The following MED28 variants were observed in gnomAD, a reference collection of about 807,000 sequenced individuals.
The protein encoded by MED28 is mediator of RNA polymerase II transcription subunit 28.
A neutral mutation model predicts 21.3 loss-of-function variants in MED28; 26 were observed. That is an observed-to-expected ratio of 1.22 (90% CI 0.89 to 1.69). The LOEUF (loss-of-function observed/expected upper bound fraction) is 1.69. MED28 is among the 40% of genes most tolerant of loss of function. The pLI is 0.00. For missense variants in MED28, 257 were observed against 215.4 expected (o/e 1.19, Z -1.21); for synonymous variants, 110 against 87.6 (o/e 1.26, Z -1.43).
At position 17,633,740 on chromosome 4, in the gene MED28, C is replaced by T. The variant is rs530767348; in HGVS notation, c.*9942C>T. The T allele has an allele frequency of 5.8e-6, 9 of 1,550,488 alleles. No individual in the cohort carries two copies. The highest frequency in any genetic ancestry group is 2.4e-5 in the East Asian group (1 of 40,854). ...CTGGTTGGGTTTGTAGGTCCGGCCA[C>T]AGCTGGGGCTTGGGTCCAAGCTGGG... On this transcript the variant is annotated 3_prime_UTR_variant, in exon 4 of 4. Coordinates refer to ENST00000237380, the MANE Select transcript of MED28 (RefSeq NM_025205.5).
rs7669147 is a variant in MED28 at position 17,632,797 on chromosome 4, A to G, written c.*8999A>G. The G allele has an allele frequency of 1.9e-6, 1 of 533,960 alleles. No individual in the cohort carries two copies. The allele number at this position is 533,960 out of a possible 1,614,324, so 33.1% of individuals were successfully genotyped here. On this transcript the variant is annotated 3_prime_UTR_variant, in exon 4 of 4. Coordinates refer to ENST00000237380, the MANE Select transcript of MED28 (RefSeq NM_025205.5). ...CAAATTGTAAAGGATGGGGCTGGGG[A>G]GGGAGTACCTAATCCTCATTTGGAA...
In MED28 at chr4:17,623,968, CT is replaced by C; in HGVS notation, c.*172del. On this transcript the variant is annotated 3_prime_UTR_variant, in exon 4 of 4. Transcript: ENST00000237380. ...CACTATTTTTATAAGCTGTTAATTT[CT>C]TGAGTACTTTATAACATGTCTGTAG... 1.5e-6 allele frequency: 1 copy of C among 689,618 alleles called. No individual in the cohort carries two copies. The highest frequency in any genetic ancestry group is 2.5e-6 in the Non-Finnish European group (1 of 407,886). The allele number at this position is 689,618 out of a possible 1,614,324, so 42.7% of individuals were successfully genotyped here. A position where few individuals can be genotyped will look rare whatever the true frequency, so the allele number is the denominator to read the frequency against.
In MED28 at chr4:17,625,652, G is replaced by A. The variant is rs1714755182; in HGVS notation, c.*1854G>A. 2.2e-6 allele frequency: 1 copy of A among 447,484 alleles called. No individual in the cohort carries two copies. The highest frequency in any genetic ancestry group is 2.5e-5 in the Admixed American group (1 of 39,540). The allele number at this position is 447,484 out of a possible 1,614,324, so 27.7% of individuals were successfully genotyped here. On this transcript the variant is annotated 3_prime_UTR_variant, in exon 4 of 4. Transcript: ENST00000237380. ...AACAATTTTTCAATCTTCTCTGTTT[G>A]TAGACATCTTACTGGGTGATGAATA...
At position 17,629,562 on chromosome 4, in the gene MED28, C is replaced by T. The variant is rs1714864801; in HGVS notation, c.*5764C>T. The T allele has an allele frequency of 6.6e-6, 1 of 152,184 alleles. No individual in the cohort carries two copies. The highest frequency in any genetic ancestry group is 2.4e-5 in the African/African-American group (1 of 41,442). The allele number at this position is 152,184 out of a possible 1,614,324, so 9.4% of individuals were successfully genotyped here. On this transcript the variant is annotated 3_prime_UTR_variant, in exon 4 of 4. Transcript: ENST00000237380. ...CATGTGGAACAGATAGTATTCCTTT[C>T]AGTTTTGCTGCAGGAACATATTAAC... is the stretch of plus-strand genomic sequence containing the variant.
intron 1 of MED28, 62 bp from the exon 2 acceptor site, chr4:17,619,839 C>G (rs537833216): frequency 2.7e-6 from 4 of 1,478,594 alleles, no homozygotes; most frequent in East Asian, 4.6e-5. Flanking sequence ...ATTTCTTCCT[C>G]TGGAGTAAGA....
In MED28 at chr4:17,633,964, T is replaced by C; in HGVS notation, c.*10166T>C. 8.5e-7 allele frequency: 1 copy of C among 1,176,598 alleles called. No individual in the cohort carries two copies. The highest frequency in any genetic ancestry group is 1.1e-6 in the Non-Finnish European group (1 of 892,236). 72.9% of individuals were successfully genotyped at this position (1,176,598 alleles called of 1,614,324 possible). ...AAAGCATTATTGTAAAAGCAAATAA[T>C]GCTCACCCAATCAAAATTGTATCGG... is the stretch of plus-strand genomic sequence containing the variant. On this transcript the variant is annotated 3_prime_UTR_variant, in exon 4 of 4. Transcript: ENST00000237380.
At position 17,621,574 on chromosome 4, in the gene MED28, CTT is replaced by C. The variant is rs527517388; in HGVS notation, c.227-5_227-4del. 633 of 1,397,882 alleles carry C rather than the reference CTT, an allele frequency of 4.5e-4. 6 individuals carry two copies. In the East Asian group the frequency reaches 0.011, roughly 23 times the overall value. 86.6% of individuals were successfully genotyped at this position (1,397,882 alleles called of 1,614,324 possible). On this transcript the variant is annotated splice_polypyrimidine_tract_variant and intron_variant, in intron 2 of 3. Transcript: ENST00000237380. ...TTTTCTTATTTTAATAATTTTGTTC[CTT>C]TTTTTTTAAGGTGTTGATCAGTGTA... is the stretch of plus-strand genomic sequence containing the variant.
chr4:17,614,670 G>GA lies in MED28; in HGVS notation c.16_17insA (p.Gly6GlufsTer33), dbSNP rs758016056. ...CATTCCAAACATGGCGGCTCCACTA[G>GA]GGGGTATGTTTTCTGGGCAGCCACC... On this transcript the variant is annotated frameshift_variant, in exon 1 of 4. Coordinates refer to ENST00000237380, the MANE Select transcript of MED28 (RefSeq NM_025205.5). LOFTEE classifies it high-confidence loss of function. 1.2e-6 allele frequency: 2 copies of GA among 1,612,198 alleles called. No homozygotes were observed. The highest frequency in any genetic ancestry group is 3.4e-5 in the Admixed American group (2 of 59,296).
chr4:17,627,532 C>T lies in MED28; in HGVS notation c.*3734C>T, dbSNP rs767034373. On this transcript the variant is annotated 3_prime_UTR_variant, in exon 4 of 4. Coordinates refer to ENST00000237380, the MANE Select transcript of MED28 (RefSeq NM_025205.5). The stretch of plus-strand genomic sequence containing the variant: ...CTCTGGAGGTTGTGAAGGAGCACTG[C>T]TCAGTCCTCCCTTCAAGAAAGCAGC... The T allele has an allele frequency of 2.0e-5, 3 of 152,284 alleles. No homozygotes were observed. Among genetic ancestry groups the T allele is most frequent in the Non-Finnish European group, 2.9e-5 (2 of 68,116 alleles). 9.4% of individuals were successfully genotyped at this position (152,284 alleles called of 1,614,324 possible).
At position 17,632,511 on chromosome 4, in the gene MED28, T is replaced by C; in HGVS notation, c.*8713T>C. ...ATAAATGTTTTTCAAGTATCCTCTG[T>C]GATGTATCCCAAAGGTTAGCTTAGA... On this transcript the variant is annotated 3_prime_UTR_variant, in exon 4 of 4. Coordinates refer to ENST00000237380, the MANE Select transcript of MED28 (RefSeq NM_025205.5). The C allele has an allele frequency of 6.6e-7, 1 of 1,508,812 alleles. No individual in the cohort carries two copies. The highest frequency in any genetic ancestry group is 9.0e-7 in the Non-Finnish European group (1 of 1,110,014). The allele number at this position is 1,508,812 out of a possible 1,614,324, so 93.5% of individuals were successfully genotyped here. A position where few individuals can be genotyped will look rare whatever the true frequency, so the allele number is the denominator to read the frequency against.
In MED28 at chr4:17,628,254, C is replaced by CTG. The variant is rs1269532690; in HGVS notation, c.*4456_*4457insTG. 2.0e-5 allele frequency: 1 copy of CTG among 51,052 alleles called. No homozygotes were observed. Among genetic ancestry groups the CTG allele is most frequent in the Non-Finnish European group, 4.0e-5 (1 of 24,834 alleles). 3.2% of individuals were successfully genotyped at this position (51,052 alleles called of 1,614,324 possible). A position where few individuals can be genotyped will look rare whatever the true frequency, so the allele number is the denominator to read the frequency against. ...TGCTGGTTAAAACGAGTGACAGCTGCCGTGTGTGTGTGTGTGTGTGTGTGT... is the reference window on the plus strand; with the variant it reads ...TGCTGGTTAAAACGAGTGACAGCTGCTGCGTGTGTGTGTGTGTGTGTGTGTGT... On this transcript the variant is annotated 3_prime_UTR_variant, in exon 4 of 4. Coordinates refer to ENST00000237380, the MANE Select transcript of MED28 (RefSeq NM_025205.5).
chr4:17,620,010 G>C, intron 2 of MED28, 43 bp downstream of exon 2: 1 of 1,539,804 alleles, frequency 6.5e-7, no homozygotes, highest in Non-Finnish European at 9.0e-7. Flanking sequence ...GGCTTCAGCA[G>C]TATTTCCTAG....
Position 17,614,706 on chromosome 4 carries a change from C to G in MED28, c.52C>G (p.Gln18Glu), listed in dbSNP as rs1467250189. Residue 18 changes from glutamine (Q) to glutamate (E), a missense_variant, in exon 1 of 4, where the codon CAG becomes GAG. Gln to Glu is a conservative substitution (Grantham distance 29, BLOSUM62 2). Transcript: ENST00000237380. Reference sequence around the variant, plus strand: ...TTCTGGGCAGCCACCCGGTCCCCCTCAGGCCCCGCCGGGCCTTCCGGGCCA... The same window carrying G: ...TTCTGGGCAGCCACCCGGTCCCCCTGAGGCCCCGCCGGGCCTTCCGGGCCA... ...MFSGQPPGPP[Q>E]APPGLPGQAS... 2.5e-6 allele frequency: 4 copies of G among 1,614,100 alleles called. No homozygotes were observed. In the African/African-American group the frequency reaches 5.3e-5, roughly 22 times the overall value.
In MED28 at chr4:17,632,490, ATG is replaced by A; in HGVS notation, c.*8694_*8695del. ...CCTTCAATCGGATGATTTAAAATAA[ATG>A]TTTTTCAAGTATCCTCTGTGATGTA... On this transcript the variant is annotated 3_prime_UTR_variant, in exon 4 of 4. Coordinates refer to ENST00000237380, the MANE Select transcript of MED28 (RefSeq NM_025205.5). 1 of 1,417,324 alleles carries A rather than the reference ATG, an allele frequency of 7.1e-7. No individual in the cohort carries two copies. 87.8% of individuals were successfully genotyped at this position (1,417,324 alleles called of 1,614,324 possible).
chr4:17,633,676 A>G lies in MED28; in HGVS notation c.*9878A>G, dbSNP rs190016398. 1.1e-5 allele frequency: 17 copies of G among 1,500,588 alleles called. No homozygotes were observed. In the East Asian group the frequency reaches 2.3e-4, roughly 21 times the overall value. 93.0% of individuals were successfully genotyped at this position (1,500,588 alleles called of 1,614,324 possible). On this transcript the variant is annotated 3_prime_UTR_variant, in exon 4 of 4. Transcript: ENST00000237380. ...AATAGAATAAGGGCCCCTGTCCCCA[A>G]CATCCCCCAAACCTTGTGGCAGTTT...
Position 17,625,438 on chromosome 4 carries a change from C to G in MED28, c.*1640C>G, listed in dbSNP as rs1034571019. ...TGGTCACTCATGGTAATTAGAAACT[C>G]TGATTGGCAGCTTTGTATTTCTTGA... On this transcript the variant is annotated 3_prime_UTR_variant, in exon 4 of 4. Coordinates refer to ENST00000237380, the MANE Select transcript of MED28 (RefSeq NM_025205.5). 3.2e-4 allele frequency: 81 copies of G among 250,182 alleles called. No individual in the cohort carries two copies. Among genetic ancestry groups the G allele is most frequent in the African/African-American group, 1.7e-3 (72 of 43,254 alleles). The allele number at this position is 250,182 out of a possible 1,614,324, so 15.5% of individuals were successfully genotyped here.
chr4:17,617,238 C>T (rs1714478141), intron 1 of MED28, among the ~76,000 whole-genome samples: 1 of 152,196 alleles, frequency 6.6e-6, no homozygotes, highest in Non-Finnish European at 1.5e-5. Context: ...GCCACATTTT[C>T]TTTGGAACTT....
chr4:17,634,092 C>T lies in MED28; in HGVS notation c.*10294C>T, dbSNP rs766104500. ...TATAAATAAATATGTATGTTCACAA[C>T]CTCTTAACCAAAACTTCTGGAGATG... is the stretch of plus-strand genomic sequence containing the variant. On this transcript the variant is annotated 3_prime_UTR_variant, in exon 4 of 4. Coordinates refer to ENST00000237380, the MANE Select transcript of MED28 (RefSeq NM_025205.5). 18 of 404,386 alleles carry T rather than the reference C, an allele frequency of 4.5e-5. No homozygotes were observed. The highest frequency in any genetic ancestry group is 7.2e-5 in the Non-Finnish European group (17 of 235,408). 25.0% of individuals were successfully genotyped at this position (404,386 alleles called of 1,614,324 possible).
intron 1 of MED28, among the ~76,000 whole-genome samples, chr4:17,616,805 T>C (rs1714466961): frequency 6.6e-6 from 1 of 152,172 alleles, no homozygotes; most frequent in South Asian, 2.1e-4. Context: ...AAGTGCTAGA[T>C]GAATATTTGT....
Sources: allele counts gnomAD v4.1 joint callset (sites outside exome capture counted in the v4.1 genomes callset), GRCh38; gene constraint gnomAD v4.1.1; transcripts MANE v1.5; gene names NCBI Gene and HGNC (gene_info 2026-07-23, HGNC 2026-07-21).